The following ZNF521 variants were observed in gnomAD, a reference collection of about 807,000 sequenced individuals.
ZNF521 encodes the protein zinc finger protein 521, also known as LYST-interacting protein 3.
ZNF521 carries 14 observed loss-of-function variants against 105.5 expected under a neutral mutation model. The observed-to-expected ratio is 0.13, with a 90% confidence interval of 0.09 to 0.21. ZNF521 has a LOEUF of 0.21. Among genes scored for constraint, ZNF521 ranks in the 10% least tolerant of loss-of-function variants. The pLI, the probability that ZNF521 is intolerant of heterozygous loss-of-function variation, is 1.00. For missense variants in ZNF521, 1,233 were observed against 1,629.7 expected (o/e 0.76, Z 4.19); for synonymous variants, 635 against 606.0 (o/e 1.05, Z -0.70).
At chr18:25,169,347 A>C (rs967038129) in intron 5 of ZNF521, among the ~76,000 whole-genome samples, 1 of 152,148 alleles carries the variant, frequency 6.6e-6, no homozygotes, top group Admixed American at 6.6e-5. Flanking sequence ...CACACTTGCT[A>C]GATAAAACAG....
At chr18:25,286,627 A>C (rs1290211688) in intron 3 of ZNF521, among the ~76,000 whole-genome samples, 1 of 152,262 alleles carries the variant, frequency 6.6e-6, no homozygotes, top group Non-Finnish European at 1.5e-5. Flanking sequence ...TAGACTATAT[A>C]TCTCTCAGAT....
At position 25,322,048 on chromosome 18, in the gene ZNF521, G is replaced by A. The variant is rs185598321; in HGVS notation, c.180C>T (p.Ser60=). 233 of 1,614,052 alleles carry A rather than the reference G, an allele frequency of 1.4e-4. No homozygotes were observed. In the Middle Eastern group the frequency reaches 1.8e-3, roughly 13 times the overall value. Residue 60 remains serine, a synonymous_variant, in exon 3 of 8, where the codon AGC becomes AGT. Transcript: ENST00000361524. ...GATTAATCTTGTGTTCTGTGATATC[G>A]CTCAGCGATTCAAACACCTGGAGGC... is the stretch of plus-strand genomic sequence containing the variant. ...DSCLQVFESL[S]DITEHKINQC... is the part of the protein sequence containing the mutation.
At chr18:25,088,562 C>A (rs569436492) in intron 7 of ZNF521, among the ~76,000 whole-genome samples, 18 of 152,106 alleles carry the variant, frequency 1.2e-4, no homozygotes, top group African/African-American at 4.3e-4. Context: ...TCCACGGGAA[C>A]CAATAAGATT....
intron 3 of ZNF521, among the ~76,000 whole-genome samples, chr18:25,319,353 G>C (rs113888790): frequency 2.0e-5 from 3 of 152,306 alleles, no homozygotes; most frequent in African/African-American, 7.2e-5. Flanking sequence ...CAACACTTTG[G>C]GAGGCCGAGG....
In ZNF521 at chr18:25,241,735, A is replaced by AG. The variant is rs781261306; in HGVS notation, c.221-14039dup. Among the ~76,000 whole-genome samples the AG allele has an allele frequency of 2.9e-3, 449 of 152,318 alleles. 1 individual carries two copies. The highest frequency in any genetic ancestry group is 4.0e-3 in the Non-Finnish European group (271 of 68,012). On this transcript the variant is annotated intron_variant, in intron 3 of 7. Coordinates refer to ENST00000361524, the MANE Select transcript of ZNF521 (RefSeq NM_015461.3). ...TGCACATCTTTAGTATCCTATGGACAGATTCAAAAACAATGCACATTCTAA... is the reference window on the plus strand; with the variant it reads ...TGCACATCTTTAGTATCCTATGGACAGGATTCAAAAACAATGCACATTCTAA...
chr18:25,277,384 T>C (rs1910104971), intron 3 of ZNF521, among the ~76,000 whole-genome samples: 1 of 151,922 alleles, frequency 6.6e-6, no homozygotes, highest in Admixed American at 6.6e-5. Flanking sequence ...TTTTCATATA[T>C]AGGAAGTAAG....
chr18:25,338,044 A>G (rs12456829), intron 2 of ZNF521, among the ~76,000 whole-genome samples: 44,232 of 152,040 alleles, frequency 0.29, 6,668 homozygotes, highest in Admixed American at 0.35. Context: ...TATATACATC[A>G]CAATTTAAGA....
intron 5 of ZNF521, among the ~76,000 whole-genome samples, chr18:25,179,033 A>G (rs1035874402): frequency 1.3e-5 from 2 of 150,516 alleles, no homozygotes; most frequent in African/African-American, 4.9e-5. Flanking sequence ...TCAATGCTTG[A>G]CACCTGTTCA....
chr18:25,265,519 G>A (rs1444723714), intron 3 of ZNF521, among the ~76,000 whole-genome samples: 1 of 152,120 alleles, frequency 6.6e-6, no homozygotes, highest in African/African-American at 2.4e-5. Context: ...AGACACCTAA[G>A]GAGCGCTCTA....
intron 5 of ZNF521, among the ~76,000 whole-genome samples, chr18:25,101,824 T>C (rs2033970806): frequency 6.6e-6 from 1 of 152,196 alleles, no homozygotes; most frequent in South Asian, 2.1e-4. Flanking sequence ...CTGGATAGAA[T>C]GCTGGTAATT....
At chr18:25,244,421 C>A (rs1471146385) in intron 3 of ZNF521, among the ~76,000 whole-genome samples, 1 of 152,126 alleles carries the variant, frequency 6.6e-6, no homozygotes, top group Non-Finnish European at 1.5e-5. Context: ...AAGCCTAAGA[C>A]CTCACAGAGA....
At chr18:25,148,674 T>A (rs1234412831) in intron 5 of ZNF521, among the ~76,000 whole-genome samples, 1 of 152,112 alleles carries the variant, frequency 6.6e-6, no homozygotes, top group Non-Finnish European at 1.5e-5. Flanking sequence ...GTAAGATAAC[T>A]GTGTTTTGTG....
intron 2 of ZNF521, among the ~76,000 whole-genome samples, chr18:25,341,396 A>G (rs1914193351): frequency 6.6e-6 from 1 of 152,232 alleles, no homozygotes; most frequent in South Asian, 2.1e-4. Context: ...AAGAACCTCC[A>G]ATCACTTTAA....
chr18:25,227,096 T>G lies in ZNF521; in HGVS notation c.822A>C (p.Pro274=). ...ACTGGAGGGCCGCTCGGTCCTCATTTGGGGAGCATTCGGGGTGGCACTCTG... is the reference window on the plus strand; with the variant it reads ...ACTGGAGGGCCGCTCGGTCCTCATTGGGGGAGCATTCGGGGTGGCACTCTG... ...HIAECHPECS[P]NEDRAALQCV... Residue 274 remains proline (P), a synonymous_variant, in exon 4 of 8, where the codon CCA becomes CCC. Coordinates refer to ENST00000361524, the MANE Select transcript of ZNF521 (RefSeq NM_015461.3). This position sits in a 1 kb window ranked among gnomAD's most constrained non-coding sequence, Gnocchi z 5.7. 6.2e-7 allele frequency: 1 copy of G among 1,614,116 alleles called. No individual in the cohort carries two copies. Among genetic ancestry groups the G allele is most frequent in the South Asian group, 1.1e-5 (1 of 91,076 alleles).
chr18:25,230,192 C>T (rs73943998), intron 3 of ZNF521, among the ~76,000 whole-genome samples: 1 of 152,084 alleles, frequency 6.6e-6, no homozygotes, highest in Admixed American at 6.5e-5. Flanking sequence ...TACACAACAC[C>T]CCCTCTAGAA....
intron 3 of ZNF521, among the ~76,000 whole-genome samples, chr18:25,290,095 C>A (rs958916405): frequency 6.6e-6 from 1 of 152,120 alleles, no homozygotes; most frequent in Admixed American, 6.5e-5. Flanking sequence ...CCTGTCAAAG[C>A]AAAATGAAAA....
Position 25,133,364 on chromosome 18 carries a change from G to A in ZNF521, c.3659-41283C>T, listed in dbSNP as rs118106569. ...GGAACTGGAAGTGGACAAATGAGCA[G>A]GTTTTACAGTTCATTTTCTTGAGGC... is the stretch of plus-strand genomic sequence containing the variant. On this transcript the variant is annotated intron_variant, in intron 5 of 7. Coordinates refer to ENST00000361524, the MANE Select transcript of ZNF521 (RefSeq NM_015461.3). Among the ~76,000 whole-genome samples, 51 of 152,288 alleles carry A rather than the reference G, an allele frequency of 3.3e-4. No homozygotes were observed. The East Asian group carries it at 7.5e-3, about 23-fold the overall frequency.
intron 7 of ZNF521, among the ~76,000 whole-genome samples, chr18:25,071,289 T>C (rs1450845560): frequency 2.0e-5 from 3 of 152,176 alleles, no homozygotes; most frequent in Non-Finnish European, 4.4e-5. Context: ...TCTTCTGAGA[T>C]ATATAATGGC....
chr18:25,237,676 C>CA (rs1231466358), intron 3 of ZNF521, among the ~76,000 whole-genome samples: 2 of 152,186 alleles, frequency 1.3e-5, no homozygotes, highest in Non-Finnish European at 2.9e-5. Context: ...CCTACCAGCA[C>CA]AGTTTTAGAA....
Sources: gnomAD v4.1 joint callset for allele counts (sites outside exome capture counted in the v4.1 genomes callset) on GRCh38, gnomAD v4.1.1 for gene constraint, Gnocchi (gnomAD v3.1) non-coding constraint, MANE v1.5 for transcripts, NCBI Gene and HGNC (gene_info 2026-07-23, HGNC 2026-07-21) for gene names.